TTC23: variants seen among roughly 807,000 people sequenced by gnomAD.
The protein encoded by TTC23 is tetratricopeptide repeat protein 23.
A neutral mutation model predicts 55.1 loss-of-function variants in TTC23; 58 were observed. The ratio of observed to expected loss-of-function variants is 1.05; its 90% CI spans 0.85 to 1.31. The LOEUF is 1.31. Among genes scored for constraint, TTC23 ranks in the 50% most tolerant of loss-of-function variants. TTC23 has a pLI of 0.00. For synonymous variants in TTC23, 203 were observed against 199.9 expected, an observed-to-expected ratio of 1.02 and a Z score of -0.13; for missense variants, 516 against 534.4, an observed-to-expected ratio of 0.97 and a Z score of 0.34.
At chr15:99,166,782 AG>A (rs1457656152) in intron 10 of TTC23, among the ~76,000 whole-genome samples, 5 of 152,158 alleles carry the variant, frequency 3.3e-5, no homozygotes, top group Non-Finnish European at 4.4e-5. Flanking sequence ...GGCCAGATAG[AG>A]GGTTCCCAGA....
At chr15:99,235,280 A>AAT (rs938706179) in intron 3 of TTC23, among the ~76,000 whole-genome samples, 200 bp from the exon 4 acceptor site, 18 of 151,856 alleles carry the variant, frequency 1.2e-4, no homozygotes, top group South Asian at 4.2e-4. Context: ...TGTAGTAAAA[A>AAT]ATATATATAT....
At chr15:99,250,376 T>C (rs757176221), upstream of TTC23, among the ~76,000 whole-genome samples, 15 of 152,254 alleles carry the variant, frequency 9.9e-5, no homozygotes. Flanking sequence ...CTCTGCTTTC[T>C]AGGTTATTCG....
chr15:99,138,276 G>A, intron 13 of TTC23, 149 bp from the exon 14 acceptor site: 2 of 909,952 alleles, frequency 2.2e-6, no homozygotes, highest in East Asian at 2.6e-5. Flanking sequence ...GTAGCACAGA[G>A]CATAAAACAT....
At chr15:99,189,420 A>G (rs1294857983) in intron 9 of TTC23, among the ~76,000 whole-genome samples, 2 of 152,242 alleles carry the variant, frequency 1.3e-5, no homozygotes, top group African/African-American at 2.4e-5. Context: ...GAGAAGCAAG[A>G]TATTTACATA....
At chr15:99,160,155 C>G (rs1225785070) in intron 11 of TTC23, 1 of 151,594 alleles carries the variant, frequency 6.6e-6, no homozygotes, top group African/African-American at 2.4e-5. Flanking sequence ...GATTGTGGCC[C>G]TACTTTGGCC....
intron 12 of TTC23, among the ~76,000 whole-genome samples, chr15:99,148,167 C>A (rs2069181434): frequency 6.6e-6 from 1 of 151,580 alleles, no homozygotes; most frequent in South Asian, 2.1e-4. Context: ...TTGAGACCAG[C>A]CTGGCCAGCA....
intron 13 of TTC23, among the ~76,000 whole-genome samples, chr15:99,138,957 G>C (rs1468588844): frequency 5.3e-5 from 8 of 152,174 alleles, no homozygotes; most frequent in African/African-American, 1.9e-4. Context: ...TGAACCTTCC[G>C]GCTCCAGTCC....
At chr15:99,163,110 AAC>A (rs972481390) in intron 10 of TTC23, among the ~76,000 whole-genome samples, 1 of 118,678 alleles carries the variant, frequency 8.4e-6, no homozygotes, top group African/African-American at 3.1e-5. Flanking sequence ...AACAAACAAA[AAC>A]AACAACAACA....
At chr15:99,170,671 G>T (rs547293424) in intron 10 of TTC23, among the ~76,000 whole-genome samples, 2 of 152,326 alleles carry the variant, frequency 1.3e-5, no homozygotes, top group Non-Finnish European at 2.9e-5. Context: ...TTTCTCCCTG[G>T]TGGAGGCAGC....
chr15:99,231,668 A>G (rs1019737990), intron 4 of TTC23, among the ~76,000 whole-genome samples: 24 of 148,960 alleles, frequency 1.6e-4, no homozygotes, highest in African/African-American at 5.5e-4. Context: ...ATTTTTTTGT[A>G]TTTTTAGTAG....
chr15:99,191,724 T>G (rs1187822947), intron 9 of TTC23, among the ~76,000 whole-genome samples: 1 of 152,166 alleles, frequency 6.6e-6, no homozygotes, highest in East Asian at 1.9e-4. Context: ...GAAAACAGAC[T>G]AATACAGCAA....
intron 9 of TTC23, among the ~76,000 whole-genome samples, chr15:99,199,480 A>G (rs2076026843): frequency 6.9e-6 from 1 of 144,962 alleles, no homozygotes. Context: ...GTGTGTGTGT[A>G]CGTATCCTAT....
intron 9 of TTC23, among the ~76,000 whole-genome samples, chr15:99,182,012 C>T (rs1035041408): frequency 1.3e-5 from 2 of 152,044 alleles, no homozygotes; most frequent in African/African-American, 4.8e-5. Context: ...ATATTTTCTT[C>T]GTTTGGTTGC....
intron 1 of TTC23, among the ~76,000 whole-genome samples, chr15:99,247,243 T>G (rs1291659032): frequency 1.3e-5 from 2 of 152,172 alleles, no homozygotes; most frequent in East Asian, 3.8e-4. Context: ...AAATTCACCT[T>G]GGAAAGCAGT....
intron 12 of TTC23, chr15:99,148,833 C>T (rs1555495419): frequency 6.6e-6 from 1 of 152,260 alleles, no homozygotes; most frequent in East Asian, 1.9e-4. Context: ...TGATTTTCCC[C>T]TGCAGGCAGA....
chr15:99,197,697 G>C (rs566326170), intron 9 of TTC23, among the ~76,000 whole-genome samples: 9 of 152,076 alleles, frequency 5.9e-5, no homozygotes, highest in Admixed American at 5.9e-4. Context: ...CTTGAGGTCA[G>C]GAGTTCGAGA....
chr15:99,161,731 C>T lies in TTC23; in HGVS notation c.993+9G>A. On this transcript the variant is annotated intron_variant, in intron 11 of 13. Transcript: ENST00000394132. ...AATAACTAGACAATTGTGATCCAAA[C>T]TCACTTACCTCTTTTTGTCCAGTCA... 6.2e-7 allele frequency: 1 copy of T among 1,606,740 alleles called. No homozygotes were observed. Among genetic ancestry groups the T allele is most frequent in the Non-Finnish European group, 8.5e-7 (1 of 1,177,654 alleles).
At chr15:99,139,546 A>T in intron 12 of TTC23, 147 bp from the exon 13 acceptor site, 1 of 1,547,752 alleles carries the variant, frequency 6.5e-7, no homozygotes, top group South Asian at 1.2e-5. Flanking sequence ...TCTCCTAGTG[A>T]CTGACCTTTG....
At chr15:99,172,379 C>T (rs1050640731) in intron 10 of TTC23, among the ~76,000 whole-genome samples, 1 of 152,152 alleles carries the variant, frequency 6.6e-6, no homozygotes, top group African/African-American at 2.4e-5. Flanking sequence ...TGAGATTCTC[C>T]GCATGCTCCT....
Sources: allele counts gnomAD v4.1 joint callset (sites outside exome capture counted in the v4.1 genomes callset), GRCh38; gene constraint gnomAD v4.1.1; transcripts MANE v1.5; gene names NCBI Gene and HGNC (gene_info 2026-07-23, HGNC 2026-07-21).